SUPT5H: variants seen among roughly 807,000 people sequenced by gnomAD.
SUPT5H encodes the protein transcription elongation factor SPT5.
SUPT5H carries 24 observed loss-of-function variants against 142.5 expected under a neutral mutation model. The observed-to-expected ratio is 0.17, with a 90% CI of 0.12 to 0.24. The LOEUF is 0.24. SUPT5H is among the 10% of genes least tolerant of loss of function. The pLI is 1.00. For synonymous variants in SUPT5H, 546 were observed against 553.0 expected (o/e 0.99, Z 0.18); for missense variants, 893 against 1,471.8 (o/e 0.61, Z 6.43).
In SUPT5H at chr19:39,469,673, T is replaced by G; in HGVS notation, c.1374+275T>G. The G allele has an allele frequency of 5.4e-6, 3 of 557,172 alleles. No homozygotes were observed. Among genetic ancestry groups the G allele is most frequent in the South Asian group, 4.1e-5 (2 of 48,522 alleles). The allele number at this position is 557,172 out of a possible 1,614,324, so 34.5% of individuals were successfully genotyped here. ...TATCTGGGTAGTACTGGGTTGAGAG[T>G]GTGATTAACCAAGGAGTAATCTGAG... On this transcript the variant is annotated intron_variant, in intron 16 of 29. Coordinates refer to ENST00000432763, the MANE Select transcript of SUPT5H (RefSeq NM_001111020.3). The surrounding 1 kb of genome is among the most constrained non-coding windows in gnomAD (Gnocchi z 5.1).
Position 39,474,035 on chromosome 19 carries a change from C to T in SUPT5H, c.2565C>T (p.Pro855=), listed in dbSNP as rs372147816. Residue 855 remains proline, a synonymous_variant, in exon 26 of 30, where the codon CCC becomes CCT. Transcript: ENST00000432763. This position sits in a 1 kb window ranked among gnomAD's most constrained non-coding sequence, Gnocchi z 6.5. ...TPSPQAYGGT[P]NPQTPGYPDP... Reference sequence around the variant, plus strand: ...CCCCGCAGGCCTATGGGGGAACCCCCAATCCCCAAACACCTGGCTACCCAG... The same window carrying T: ...CCCCGCAGGCCTATGGGGGAACCCCTAATCCCCAAACACCTGGCTACCCAG... 4 of 1,613,012 alleles carry T rather than the reference C, an allele frequency of 2.5e-6. No homozygotes were observed. The highest frequency in any genetic ancestry group is 3.4e-6 in the Non-Finnish European group (4 of 1,179,458).
Position 39,466,362 on chromosome 19 carries a change from C to T in SUPT5H, c.877-118C>T. The T allele has an allele frequency of 1.1e-6, 1 of 938,472 alleles. No individual in the cohort carries two copies. Among genetic ancestry groups the T allele is most frequent in the Non-Finnish European group, 1.7e-6 (1 of 597,498 alleles). 58.1% of individuals were successfully genotyped at this position (938,472 alleles called of 1,614,324 possible). ...GGGACTTTTGGGAGTGGTCAGCAGC[C>T]TGGTTTCTTCCCCACCATCCTGCGT... On this transcript the variant is annotated intron_variant, in intron 11 of 29. Coordinates refer to ENST00000432763, the MANE Select transcript of SUPT5H (RefSeq NM_001111020.3). The surrounding 1 kb of genome is among the most constrained non-coding windows in gnomAD (Gnocchi z 4.3).
Position 39,473,580 on chromosome 19 carries a change from G to T in SUPT5H, c.2492+59G>T. On this transcript the variant is annotated intron_variant, in intron 25 of 29. Coordinates refer to ENST00000432763, the MANE Select transcript of SUPT5H (RefSeq NM_001111020.3). The surrounding 1 kb of genome is among the most constrained non-coding windows in gnomAD (Gnocchi z 5.8). ...CTGGTGTGTGTGAGGGATGATGCTG[G>T]GTGTCTGGGGCATTGGAGGGGTTTG... The T allele has an allele frequency of 1.3e-6, 2 of 1,550,424 alleles. No individual in the cohort carries two copies. The highest frequency in any genetic ancestry group is 1.7e-6 in the Non-Finnish European group (2 of 1,145,140).
intron 9 of SUPT5H, 106 bp downstream of exon 9, chr19:39,459,695 C>A (rs1031828643): frequency 6.9e-7 from 1 of 1,455,182 alleles, no homozygotes; most frequent in Non-Finnish European, 9.6e-7. Flanking sequence ...CTGCCAGTCA[C>A]TTGGTCCTTC....
intron 10 of SUPT5H, among the ~76,000 whole-genome samples, chr19:39,462,428 T>C (rs1370854700): frequency 6.6e-6 from 1 of 152,190 alleles, no homozygotes; most frequent in African/African-American, 2.4e-5. Flanking sequence ...TCTGAATGGT[T>C]CATACAAAGG....
In SUPT5H at chr19:39,469,418, G is replaced by T. The variant is rs770549478; in HGVS notation, c.1374+20G>T. 1.2e-6 allele frequency: 2 copies of T among 1,614,130 alleles called. No individual in the cohort carries two copies. The highest frequency in any genetic ancestry group is 1.7e-6 in the Non-Finnish European group (2 of 1,180,020). ...CTCAAGGTGGGTGCCCGGTGTTCTC[G>T]GGCAGGGGTTGGAGTGTTCAGGCAC... is the stretch of plus-strand genomic sequence containing the variant. On this transcript the variant is annotated intron_variant, in intron 16 of 29. Coordinates refer to ENST00000432763, the MANE Select transcript of SUPT5H (RefSeq NM_001111020.3). The surrounding 1 kb of genome is among the most constrained non-coding windows in gnomAD (Gnocchi z 5.1).
chr19:39,466,847 G>A lies in SUPT5H; in HGVS notation c.1037+102G>A. ...CAGGGGTGGCCCCGCCACAGGTTTAGCCTGTGAATTGGTTAGCTTGGCAGT... is the reference window on the plus strand; with the variant it reads ...CAGGGGTGGCCCCGCCACAGGTTTAACCTGTGAATTGGTTAGCTTGGCAGT... On this transcript the variant is annotated intron_variant, in intron 13 of 29. Coordinates refer to ENST00000432763, the MANE Select transcript of SUPT5H (RefSeq NM_001111020.3). This position sits in a 1 kb window ranked among gnomAD's most constrained non-coding sequence, Gnocchi z 4.3. 6.2e-6 allele frequency: 7 copies of A among 1,131,730 alleles called. No individual in the cohort carries two copies. The highest frequency in any genetic ancestry group is 9.4e-6 in the Non-Finnish European group (7 of 747,928). 70.1% of individuals were successfully genotyped at this position (1,131,730 alleles called of 1,614,324 possible). A position where few individuals can be genotyped will look rare whatever the true frequency, so the allele number is the denominator to read the frequency against.
At chr19:39,448,419 C>G (rs934936394) in intron 2 of SUPT5H, among the ~76,000 whole-genome samples, 4 of 152,094 alleles carry the variant, frequency 2.6e-5, no homozygotes, top group African/African-American at 9.7e-5. Flanking sequence ...TTCTTGGTCT[C>G]TGATTCATGG....
In SUPT5H at chr19:39,476,658, G is replaced by T. The variant is rs1280466082; in HGVS notation, c.*259G>T. On this transcript the variant is annotated 3_prime_UTR_variant, in exon 30 of 30. Coordinates refer to ENST00000432763, the MANE Select transcript of SUPT5H (RefSeq NM_001111020.3). Reference sequence around the variant, plus strand: ...TACCGTCTTTCAATAAAAAGAAGCTGTTTGGTCTAAAAGTGCGTGTGTGTG... The same window carrying T: ...TACCGTCTTTCAATAAAAAGAAGCTTTTTGGTCTAAAAGTGCGTGTGTGTG... 8 of 511,084 alleles carry T rather than the reference G, an allele frequency of 1.6e-5. No homozygotes were observed. Among genetic ancestry groups the T allele is most frequent in the South Asian group, 2.2e-5 (1 of 44,976 alleles). 31.7% of individuals were successfully genotyped at this position (511,084 alleles called of 1,614,324 possible). A position where few individuals can be genotyped will look rare whatever the true frequency, so the allele number is the denominator to read the frequency against.
rs2079354588 is a variant in SUPT5H, at chr19:39,473,491, G to C, written c.2462G>C (p.Trp821Ser). 6.2e-7 allele frequency: 1 copy of C among 1,612,140 alleles called. No individual in the cohort carries two copies. Among genetic ancestry groups the C allele is most frequent in the African/African-American group, 1.3e-5 (1 of 74,896 alleles). ...GSRTPAQSGA[W>S]DPNNPNTPSR... is the part of the protein sequence containing the mutation. ...CGCACTCCTGCCCAGAGTGGGGCCT[G>C]GGACCCCAACAACCCCAACACGCCG... Residue 821 changes from tryptophan to serine, a missense_variant, in exon 25 of 30, where the codon TGG becomes TCG. Physicochemically the swap from Trp to Ser is radical, Grantham distance 177. Transcript: ENST00000432763. This position sits in a 1 kb window ranked among gnomAD's most constrained non-coding sequence, Gnocchi z 5.8.
chr19:39,476,488 G>C lies in SUPT5H; in HGVS notation c.*89G>C. ...GCTGTGACACAAGATCCTCCTGCAG[G>C]GCTAGGCGGATTGTTCTGGATTTCC... On this transcript the variant is annotated 3_prime_UTR_variant, in exon 30 of 30. Transcript: ENST00000432763. The C allele has an allele frequency of 6.7e-7, 1 of 1,502,976 alleles. No homozygotes were observed. Among genetic ancestry groups the C allele is most frequent in the Non-Finnish European group, 9.1e-7 (1 of 1,097,714 alleles). The allele number at this position is 1,502,976 out of a possible 1,614,324, so 93.1% of individuals were successfully genotyped here.
rs781028348 is a variant in SUPT5H, at chr19:39,458,543, T to G, written c.319+238T>G. 38 of 836,136 alleles carry G rather than the reference T, an allele frequency of 4.5e-5. No homozygotes were observed. The highest frequency in any genetic ancestry group is 6.5e-5 in the Non-Finnish European group (35 of 537,380). The allele number at this position is 836,136 out of a possible 1,614,324, so 51.8% of individuals were successfully genotyped here. A position where few individuals can be genotyped will look rare whatever the true frequency, so the allele number is the denominator to read the frequency against. On this transcript the variant is annotated intron_variant, in intron 5 of 29. Transcript: ENST00000432763. The surrounding 1 kb of genome is among the most constrained non-coding windows in gnomAD (Gnocchi z 4.2). ...TGAGCATTTGTGGGTGGTAGCGATG[T>G]GTGGGGTGGGGTGCAGTCCAGGGTG... is the stretch of plus-strand genomic sequence containing the variant.
At position 39,474,425 on chromosome 19, in the gene SUPT5H, T is replaced by C. The variant is rs748834220; in HGVS notation, c.2820+23T>C. On this transcript the variant is annotated intron_variant, in intron 27 of 29. Transcript: ENST00000432763. This position sits in a 1 kb window ranked among gnomAD's most constrained non-coding sequence, Gnocchi z 6.5. ...CAGGTAATGGTCTGCCTGCCTGCCC[T>C]GAAGGGTGGTGGGCTAGGGTGACTT... is the stretch of plus-strand genomic sequence containing the variant. 1.9e-6 allele frequency: 3 copies of C among 1,611,496 alleles called. No individual in the cohort carries two copies. Among genetic ancestry groups the C allele is most frequent in the Non-Finnish European group, 2.5e-6 (3 of 1,178,028 alleles).
In SUPT5H at chr19:39,459,540, C is replaced by G. The variant is rs745469514; in HGVS notation, c.525-19C>G. The stretch of plus-strand genomic sequence containing the variant: ...AGATCCAGCTTCACTGAAGGCCTTC[C>G]TTTTCCTCTGCTGCTTAGGGATCCC... On this transcript the variant is annotated intron_variant, in intron 8 of 29. Coordinates refer to ENST00000432763, the MANE Select transcript of SUPT5H (RefSeq NM_001111020.3). 6.2e-7 allele frequency: 1 copy of G among 1,613,794 alleles called. No individual in the cohort carries two copies. The highest frequency in any genetic ancestry group is 1.7e-5 in the Admixed American group (1 of 59,964).
chr19:39,463,246 C>T (rs967243685), intron 10 of SUPT5H, among the ~76,000 whole-genome samples: 2 of 152,118 alleles, frequency 1.3e-5, no homozygotes, highest in South Asian at 2.1e-4. Context: ...AAGTGATCCT[C>T]CTGCCTCGGC....
chr19:39,474,822 A>C lies in SUPT5H; in HGVS notation c.3024+104A>C. On this transcript the variant is annotated intron_variant, in intron 28 of 29. Transcript: ENST00000432763. The surrounding 1 kb of genome is among the most constrained non-coding windows in gnomAD (Gnocchi z 6.5). ...GATGGTGACAGCCCAGAGTGGGCAG[A>C]GCTGGGATTGAGGAAGCCTAGAGGG... 1 of 1,322,728 alleles carries C rather than the reference A, an allele frequency of 7.6e-7. No homozygotes were observed. The highest frequency in any genetic ancestry group is 2.3e-4 in the Middle Eastern group (1 of 4,298). 81.9% of individuals were successfully genotyped at this position (1,322,728 alleles called of 1,614,324 possible). A position where few individuals can be genotyped will look rare whatever the true frequency, so the allele number is the denominator to read the frequency against.
rs1017802773 is a variant in SUPT5H at position 39,472,160 on chromosome 19, A to G, written c.1951-249A>G. 1.3e-5 allele frequency among the ~76,000 whole-genome samples: 2 copies of G among 152,112 alleles called. No individual in the cohort carries two copies. The highest frequency in any genetic ancestry group is 2.9e-5 in the Non-Finnish European group (2 of 68,010). On this transcript the variant is annotated intron_variant, in intron 20 of 29. Transcript: ENST00000432763. The surrounding 1 kb of genome is among the most constrained non-coding windows in gnomAD (Gnocchi z 4.2). ...GGAGGGTAAAAAAGGCCTCAGTGGG[A>G]GGCAGTATTGGAGCAGAGACCTGAA...
intron 2 of SUPT5H, among the ~76,000 whole-genome samples, chr19:39,450,182 T>G (rs2079003135): frequency 6.6e-6 from 1 of 151,912 alleles, no homozygotes; most frequent in Admixed American, 6.6e-5. Flanking sequence ...CAAGTGATCC[T>G]TCTACCTTGG....
Position 39,458,442 on chromosome 19 carries a change from C to T in SUPT5H, c.319+137C>T. ...CTGAGGGCTCTGACCCATGTAGGAT[C>T]CAGAGTCAGGGAGTTCTGGGGCCAG... On this transcript the variant is annotated intron_variant, in intron 5 of 29. Coordinates refer to ENST00000432763, the MANE Select transcript of SUPT5H (RefSeq NM_001111020.3). The surrounding 1 kb of genome is among the most constrained non-coding windows in gnomAD (Gnocchi z 4.2). The T allele has an allele frequency of 6.8e-7, 1 of 1,480,126 alleles. No homozygotes were observed. Among genetic ancestry groups the T allele is most frequent in the Non-Finnish European group, 9.1e-7 (1 of 1,097,244 alleles). The allele number at this position is 1,480,126 out of a possible 1,614,324, so 91.7% of individuals were successfully genotyped here.
Sources: gnomAD v4.1 joint callset for allele counts (sites outside exome capture counted in the v4.1 genomes callset) on GRCh38, gnomAD v4.1.1 for gene constraint, Gnocchi (gnomAD v3.1) non-coding constraint, MANE v1.5 for transcripts, NCBI Gene and HGNC (gene_info 2026-07-23, HGNC 2026-07-21) for gene names.